PHLPP1: variants seen among roughly 807,000 people sequenced by gnomAD.
PHLPP1 encodes the protein PH domain leucine-rich repeat-containing protein phosphatase 1.
In PHLPP1, 42 loss-of-function variants were observed where a neutral mutation model predicts 117.2. That is an observed-to-expected ratio of 0.36 (90% CI 0.28 to 0.46). The LOEUF (loss-of-function observed/expected upper bound fraction) is 0.46, where lower values mean the gene tolerates loss of function less well. Ranked by LOEUF, PHLPP1 falls within the 20% of genes least tolerant of loss-of-function variation. The probability of loss-of-function intolerance (pLI) is 1.00; values close to 1 mark genes in which losing one functional copy is unlikely to be tolerated. For missense variants in PHLPP1, 2,084 were observed against 2,241.9 expected (o/e 0.93, Z 1.42); for synonymous variants, 1,042 against 970.7 (o/e 1.07, Z -1.37).
rs1162417854 is a variant in PHLPP1, at chr18:62,874,689, ACACT to A, written c.2066+14090_2066+14093del. On this transcript the variant is annotated intron_variant, in intron 4 of 16. Coordinates refer to ENST00000262719, the MANE Select transcript of PHLPP1 (RefSeq NM_194449.4). ...CACACACACACACACACACACACAC[ACACT>A]CTCGCTCTCTGTCTCTCTCTGTCTC... 5.4e-5 allele frequency among the ~76,000 whole-genome samples: 7 copies of A among 128,470 alleles called. No individual in the cohort carries two copies. The East Asian group carries it at 8.3e-4, about 15-fold the overall frequency. The allele number at this position is 128,470 out of a possible 152,430, so 84.3% of individuals were successfully genotyped here. A position where few individuals can be genotyped will look rare whatever the true frequency, so the allele number is the denominator to read the frequency against.
intron 4 of PHLPP1, among the ~76,000 whole-genome samples, chr18:62,891,293 A>G (rs975902492): frequency 6.6e-6 from 1 of 152,242 alleles, no homozygotes; most frequent in African/African-American, 2.4e-5. Context: ...TATAAATTTA[A>G]CTAAGAAATA....
At chr18:62,775,308 C>G (rs1395901427) in intron 1 of PHLPP1, among the ~76,000 whole-genome samples, 1 of 152,134 alleles carries the variant, frequency 6.6e-6, no homozygotes, top group Admixed American at 6.5e-5. Context: ...ACATGTTGAC[C>G]AGCTTGGTCT....
intron 1 of PHLPP1, among the ~76,000 whole-genome samples, chr18:62,792,282 T>C (rs1913482858): frequency 6.6e-6 from 1 of 152,214 alleles, no homozygotes; most frequent in South Asian, 2.1e-4. Flanking sequence ...TCATGACCTA[T>C]TGAATTGTTA....
chr18:62,890,060 C>T (rs1235317892), intron 4 of PHLPP1, among the ~76,000 whole-genome samples: 1 of 145,544 alleles, frequency 6.9e-6, no homozygotes, highest in East Asian at 2.0e-4. Flanking sequence ...GCACCTAGGA[C>T]TGAGGGCAGT....
chr18:62,773,735 C>A (rs1280588950), intron 1 of PHLPP1, among the ~76,000 whole-genome samples: 1 of 152,204 alleles, frequency 6.6e-6, no homozygotes, highest in Admixed American at 6.5e-5. Flanking sequence ...AATGACACAA[C>A]CCTGTCTTAG....
At chr18:62,893,287 T>A (rs1474986781) in intron 4 of PHLPP1, among the ~76,000 whole-genome samples, 1 of 152,110 alleles carries the variant, frequency 6.6e-6, no homozygotes, top group Non-Finnish European at 1.5e-5. Flanking sequence ...TCAGGTGATC[T>A]GCCCACCTCG....
chr18:62,939,271 G>A (rs1168098416), intron 10 of PHLPP1, among the ~76,000 whole-genome samples: 1 of 152,066 alleles, frequency 6.6e-6, no homozygotes, highest in African/African-American at 2.4e-5. Flanking sequence ...GGGATTACAG[G>A]TGTGAGCCAC....
intron 1 of PHLPP1, among the ~76,000 whole-genome samples, chr18:62,802,261 G>A (rs549002167): frequency 1.4e-4 from 21 of 152,294 alleles, no homozygotes; most frequent in African/African-American, 4.3e-4. Context: ...TGCAGGAACT[G>A]CAGAGCTGAG....
chr18:62,791,385 A>C (rs1913451868), intron 1 of PHLPP1, among the ~76,000 whole-genome samples: 1 of 152,122 alleles, frequency 6.6e-6, no homozygotes, highest in South Asian at 2.1e-4. Context: ...CTACTCCATA[A>C]TGCTTATTTC....
chr18:62,717,389 T>C, intron 1 of PHLPP1, 130 bp downstream of exon 1: 1 of 1,253,136 alleles, frequency 8.0e-7, no homozygotes, highest in Non-Finnish European at 1.1e-6. Context: ...TCTTAAACTT[T>C]ACAGCTTTTT....
intron 1 of PHLPP1, among the ~76,000 whole-genome samples, chr18:62,769,496 A>T (rs1214464586): frequency 6.6e-6 from 1 of 152,188 alleles, no homozygotes; most frequent in Non-Finnish European, 1.5e-5. Flanking sequence ...CAAAGGATGT[A>T]TTCTTTGTTT....
At chr18:62,874,616 G>A (rs1346165424) in intron 4 of PHLPP1, among the ~76,000 whole-genome samples, 1 of 152,130 alleles carries the variant, frequency 6.6e-6, no homozygotes, top group African/African-American at 2.4e-5. Flanking sequence ...AACCAGCCCT[G>A]GGTAGGACAG....
At chr18:62,945,793 A>G (rs1910266203) in intron 12 of PHLPP1, among the ~76,000 whole-genome samples, 1 of 152,242 alleles carries the variant, frequency 6.6e-6, no homozygotes, top group Non-Finnish European at 1.5e-5. Flanking sequence ...TTGGCAGAGC[A>G]GATATTATTG....
At chr18:62,918,137 C>T (rs1461007165) in intron 9 of PHLPP1, among the ~76,000 whole-genome samples, 18 of 135,294 alleles carry the variant, frequency 1.3e-4, no homozygotes, top group Admixed American at 1.3e-3. Flanking sequence ...ACCCAGGAGG[C>T]GGAGGTTGCA....
chr18:62,951,404 T>C (rs992006335), intron 12 of PHLPP1, among the ~76,000 whole-genome samples: 4 of 152,234 alleles, frequency 2.6e-5, no homozygotes, highest in Middle Eastern at 3.2e-3. Flanking sequence ...TATGTATCTA[T>C]AAAGATGAAC....
chr18:62,912,119 A>C (rs1916966543), intron 8 of PHLPP1, among the ~76,000 whole-genome samples: 1 of 117,988 alleles, frequency 8.5e-6, no homozygotes. Context: ...ACTTGGACAC[A>C]GGAAGGGGAA....
At chr18:62,737,938 C>G (rs1057407082) in intron 1 of PHLPP1, among the ~76,000 whole-genome samples, 1 of 152,000 alleles carries the variant, frequency 6.6e-6, no homozygotes, top group Non-Finnish European at 1.5e-5. Flanking sequence ...ATTTTTTATT[C>G]ACTCCTGAAC....
chr18:62,819,346 A>G (rs918906513), intron 1 of PHLPP1, among the ~76,000 whole-genome samples: 4 of 152,240 alleles, frequency 2.6e-5, no homozygotes, highest in Non-Finnish European at 4.4e-5. Flanking sequence ...CAAAATGTAT[A>G]TAATGAACCA....
chr18:62,728,707 C>T (rs531521197), intron 1 of PHLPP1, among the ~76,000 whole-genome samples: 138 of 152,198 alleles, frequency 9.1e-4, no homozygotes, highest in Non-Finnish European at 1.6e-3. Flanking sequence ...CGGTGTTTCA[C>T]CATGTTAGCC....
Sources: gnomAD v4.1 joint callset for allele counts (sites outside exome capture counted in the v4.1 genomes callset) on GRCh38, gnomAD v4.1.1 for gene constraint, MANE v1.5 for transcripts, NCBI Gene and HGNC (gene_info 2026-07-23, HGNC 2026-07-21) for gene names.